KLF13: variants seen among roughly 807,000 people sequenced by gnomAD.
KLF13 encodes the protein KLF transcription factor 13, also known as Krueppel-like factor 13.
KLF13 carries 8 observed loss-of-function variants against 16.7 expected under a neutral mutation model. The ratio of observed to expected loss-of-function variants is 0.48; its 90% CI spans 0.28 to 0.87. The LOEUF is 0.87. Among genes scored for constraint, KLF13 ranks in the 40% least tolerant of loss-of-function variants. The pLI is 0.10. For missense variants in KLF13, 447 were observed against 452.2 expected (o/e 0.99, Z 0.10); for synonymous variants, 245 against 208.4 (o/e 1.18, Z -1.51).
chr15:31,409,339 G>T (rs2040164619), downstream of KLF13, among the ~76,000 whole-genome samples: 1 of 151,948 alleles, frequency 6.6e-6, no homozygotes, highest in Non-Finnish European at 1.5e-5. Flanking sequence ...TAAGAGCTGT[G>T]GGACAATACC....
At chr15:31,405,186 C>T (rs1361336091), downstream of KLF13, among the ~76,000 whole-genome samples, 6 of 152,020 alleles carry the variant, frequency 3.9e-5, no homozygotes, top group Non-Finnish European at 8.8e-5. Context: ...TAGTGGTGTG[C>T]GCCTGTAATT....
intron 1 of KLF13, among the ~76,000 whole-genome samples, chr15:31,364,262 C>T (rs542793630): frequency 1.3e-5 from 2 of 152,210 alleles, no homozygotes; most frequent in Non-Finnish European, 2.9e-5. Context: ...TAAAAAATAT[C>T]TTCGCAAGCA....
intron 1 of KLF13, among the ~76,000 whole-genome samples, chr15:31,336,344 A>G (rs2038930195): frequency 6.6e-6 from 1 of 152,142 alleles, no homozygotes; most frequent in Admixed American, 6.5e-5. Flanking sequence ...GTGCTTCCAT[A>G]TGTGGGTCCA....
chr15:31,364,500 C>T (rs1304171676), intron 1 of KLF13, among the ~76,000 whole-genome samples: 1 of 152,256 alleles, frequency 6.6e-6, no homozygotes, highest in Non-Finnish European at 1.5e-5. Flanking sequence ...AAACATGCTT[C>T]CCGGGGCCCC....
chr15:31,352,493 G>A (rs558290074), intron 1 of KLF13, among the ~76,000 whole-genome samples: 3 of 152,334 alleles, frequency 2.0e-5, no homozygotes, highest in African/African-American at 4.8e-5. Flanking sequence ...GGGCCATGAC[G>A]TCGGCCAGCA....
intron 1 of KLF13, among the ~76,000 whole-genome samples, chr15:31,362,305 C>T (rs989819733): frequency 3.3e-5 from 5 of 152,210 alleles, no homozygotes; most frequent in Non-Finnish European, 7.3e-5. Context: ...GGACAGTTTG[C>T]AGCGTGACCC....
intron 1 of KLF13, among the ~76,000 whole-genome samples, chr15:31,431,887 G>A (rs531590394): frequency 6.6e-6 from 1 of 152,330 alleles, no homozygotes; most frequent in East Asian, 1.9e-4. Flanking sequence ...ATTTAGGGAC[G>A]CTTGCTTATG....
Position 31,372,400 on chromosome 15 carries a change from G to C in KLF13, c.*101G>C, listed in dbSNP as rs772455774. 8.0e-7 allele frequency: 1 copy of C among 1,255,860 alleles called. No homozygotes were observed. Among genetic ancestry groups the C allele is most frequent in the Non-Finnish European group, 1.0e-6 (1 of 973,504 alleles). 77.8% of individuals were successfully genotyped at this position (1,255,860 alleles called of 1,614,324 possible). ...AGAGAGAACTTGATGCAAAGTCCAC[G>C]AAAAAACAATTTTTTTCACCTCAGG... is the stretch of plus-strand genomic sequence containing the variant. On this transcript the variant is annotated 3_prime_UTR_variant, in exon 2 of 2. Coordinates refer to ENST00000307145, the MANE Select transcript of KLF13 (RefSeq NM_015995.4).
chr15:31,346,129 A>G (rs1306917646), intron 1 of KLF13, among the ~76,000 whole-genome samples: 1 of 151,710 alleles, frequency 6.6e-6, no homozygotes, highest in East Asian at 1.9e-4. Context: ...CCCTGACGGG[A>G]ACCCAGAGCT....
At chr15:31,429,743 A>C (rs1448028594) in intron 1 of KLF13, among the ~76,000 whole-genome samples, 3 of 94,864 alleles carry the variant, frequency 3.2e-5, no homozygotes, top group Non-Finnish European at 7.2e-5. Flanking sequence ...TTATTTATTT[A>C]TTTATTTTGA....
chr15:31,357,353 G>A (rs555412005), intron 1 of KLF13, among the ~76,000 whole-genome samples: 5 of 152,216 alleles, frequency 3.3e-5, no homozygotes, highest in African/African-American at 1.2e-4. Context: ...GCCCACCCAC[G>A]TCAGGCTCTT....
chr15:31,366,729 C>CCTCACTGTGTCCCCCCCTGTG (rs2039477940), intron 1 of KLF13, among the ~76,000 whole-genome samples: 3 of 150,170 alleles, frequency 2.0e-5, no homozygotes, highest in Non-Finnish European at 4.5e-5. Flanking sequence ...TGGCCCCTCA[C>CCTCACTGTGTCCCCCCCTGTG]CTCACTGTGT....
chr15:31,379,652 C>T (rs1260239947), downstream of KLF13, among the ~76,000 whole-genome samples: 3 of 152,210 alleles, frequency 2.0e-5, no homozygotes, highest in East Asian at 5.8e-4. Context: ...GTATGAGTGT[C>T]TCTGGCATGC....
At chr15:31,400,511 A>G (rs2040019008) in intron 2 of KLF13, among the ~76,000 whole-genome samples, 1 of 152,202 alleles carries the variant, frequency 6.6e-6, no homozygotes, top group Admixed American at 6.5e-5. Flanking sequence ...CTCAAATCCC[A>G]GGTCCAGAGC....
chr15:31,338,925 G>T (rs1292475293), intron 1 of KLF13, among the ~76,000 whole-genome samples: 1 of 151,876 alleles, frequency 6.6e-6, no homozygotes, highest in Admixed American at 6.6e-5. Context: ...GTATACAGGG[G>T]AGCAGACCCC....
chr15:31,402,565 C>A (rs746431750), intron 2 of KLF13, among the ~76,000 whole-genome samples: 1 of 152,238 alleles, frequency 6.6e-6, no homozygotes. Context: ...TGCAGGGTCT[C>A]GTGCTCAGGT....
At chr15:31,423,939 G>T (rs985901350) in intron 1 of KLF13, among the ~76,000 whole-genome samples, 8 of 152,144 alleles carry the variant, frequency 5.3e-5, no homozygotes, top group African/African-American at 1.4e-4. Flanking sequence ...AATCACGAGA[G>T]AAATTGGGAA....
intron 1 of KLF13, among the ~76,000 whole-genome samples, chr15:31,430,149 C>T (rs1161163504): frequency 6.6e-6 from 1 of 152,072 alleles, no homozygotes; most frequent in East Asian, 1.9e-4. Context: ...AATTTTGATT[C>T]ATTAGAATTA....
chr15:31,357,587 T>C (rs2039319522), intron 1 of KLF13, among the ~76,000 whole-genome samples: 2 of 152,174 alleles, frequency 1.3e-5, no homozygotes, highest in African/African-American at 4.8e-5. Flanking sequence ...GAGGCAGCAC[T>C]CTGTGAGTGG....
Sources: allele counts gnomAD v4.1 joint callset (sites outside exome capture counted in the v4.1 genomes callset), GRCh38; gene constraint gnomAD v4.1.1; transcripts MANE v1.5; gene names NCBI Gene and HGNC (gene_info 2026-07-23, HGNC 2026-07-21).